The following NR2C2 variants were observed in gnomAD, a reference collection of about 807,000 sequenced individuals.
NR2C2 encodes the protein nuclear receptor subfamily 2 group C member 2.
In NR2C2, 6 loss-of-function variants were observed where a neutral mutation model predicts 62.9. The observed-to-expected ratio is 0.10, with a 90% confidence interval of 0.05 to 0.19. The LOEUF (loss-of-function observed/expected upper bound fraction) is 0.19. NR2C2 is among the 10% of genes least tolerant of loss of function. The pLI is 1.00. For missense variants in NR2C2, 479 were observed against 762.7 expected (o/e 0.63, Z 4.38); for synonymous variants, 272 against 273.8 (o/e 0.99, Z 0.07).
chr3:15,016,669 G>C (rs1026143239), intron 4 of NR2C2, among the ~76,000 whole-genome samples: 9 of 152,162 alleles, frequency 5.9e-5, no homozygotes, highest in African/African-American at 2.2e-4. Flanking sequence ...CTGTAATGAA[G>C]CAGGAGGAGG....
rs1444904556 is a variant in NR2C2 at position 15,043,272 on chromosome 3, C to G, written c.*264C>G. On this transcript the variant is annotated 3_prime_UTR_variant, in exon 14 of 14. Coordinates refer to ENST00000425241, the MANE Select transcript of NR2C2 (RefSeq NM_001291694.2). ...AACTCAATTTGTATTTAGAAATTCT[C>G]AAAGGGCAAAAAACAAAAAAAAAGG... 1.8e-5 allele frequency: 5 copies of G among 285,438 alleles called. No individual in the cohort carries two copies. The highest frequency in any genetic ancestry group is 3.2e-5 in the Non-Finnish European group (5 of 156,236). 17.7% of individuals were successfully genotyped at this position (285,438 alleles called of 1,614,324 possible). A position where few individuals can be genotyped will look rare whatever the true frequency, so the allele number is the denominator to read the frequency against.
intron 2 of NR2C2, among the ~76,000 whole-genome samples, chr3:15,012,748 G>A (rs1027053940): frequency 2.0e-5 from 3 of 152,188 alleles, no homozygotes; most frequent in Admixed American, 1.3e-4. Context: ...AGGCAGGACG[G>A]GGATTAGAAC....
At chr3:14,992,732 C>T (rs527607148) in intron 1 of NR2C2, among the ~76,000 whole-genome samples, 1 of 152,264 alleles carries the variant, frequency 6.6e-6, no homozygotes, top group East Asian at 1.9e-4. Context: ...GCGTGGTTAC[C>T]TTTACAAAGG....
In NR2C2 at chr3:15,024,199, G is replaced by A. The variant is rs529430729; in HGVS notation, c.789G>A (p.Thr263=). 18 of 1,605,678 alleles carry A rather than the reference G, an allele frequency of 1.1e-5. No homozygotes were observed. The Admixed American group carries it at 1.4e-4, about 12-fold the overall frequency. The change falls in exon 7 of 14, where the codon ACG becomes ACA. Residue 263 remains threonine, a synonymous_variant. Coordinates refer to ENST00000425241, the MANE Select transcript of NR2C2 (RefSeq NM_001291694.2). ...AGGATGGTACAGTTCTCCTGGCCAC[G>A]GATTCTAAGGTGACGTTCTCTACTC... The part of the protein sequence containing the change: ...IREDGTVLLA[T]DSKAETSQGA...
At chr3:15,027,443 T>C (rs1049797056) in intron 7 of NR2C2, among the ~76,000 whole-genome samples, 1 of 152,258 alleles carries the variant, frequency 6.6e-6, no homozygotes, top group African/African-American at 2.4e-5. Flanking sequence ...CTTGTTATTA[T>C]CCATCTTTTT....
In NR2C2 at chr3:14,947,879, CGAGGCCGCTTT is replaced by C. The variant is rs2039169504; in HGVS notation, c.-65_-55del. 6.7e-6 allele frequency: 1 copy of C among 149,986 alleles called. No homozygotes were observed. The highest frequency in any genetic ancestry group is 2.1e-4 in the South Asian group (1 of 4,854). 9.3% of individuals were successfully genotyped at this position (149,986 alleles called of 1,614,324 possible). On this transcript the variant is annotated 5_prime_UTR_variant, in exon 1 of 14. Coordinates refer to ENST00000425241, the MANE Select transcript of NR2C2 (RefSeq NM_001291694.2). Reference sequence around the variant, plus strand: ...CCCGCCGCAGACACGGGACCCGCTTCGAGGCCGCTTTGGCGCCAAATCCTGAGGTAAAATTG... The same window carrying C: ...CCCGCCGCAGACACGGGACCCGCTTCGGCGCCAAATCCTGAGGTAAAATTG...
At chr3:14,979,176 T>G (rs940974581) in intron 1 of NR2C2, among the ~76,000 whole-genome samples, 5 of 152,188 alleles carry the variant, frequency 3.3e-5, no homozygotes, top group Non-Finnish European at 7.4e-5. Context: ...TACATTTTTG[T>G]TTTTGTTCCT....
intron 1 of NR2C2, among the ~76,000 whole-genome samples, chr3:14,971,199 C>T (rs2040026118): frequency 6.6e-6 from 1 of 151,836 alleles, no homozygotes; most frequent in South Asian, 2.1e-4. Flanking sequence ...CTCACTGCAA[C>T]CTTTGCCTCC....
intron 13 of NR2C2, among the ~76,000 whole-genome samples, chr3:15,040,851 T>A (rs1452632154): frequency 6.6e-6 from 1 of 152,182 alleles, no homozygotes; most frequent in Non-Finnish European, 1.5e-5. Flanking sequence ...AGGTATACAG[T>A]CAGGTTGTCC....
intron 2 of NR2C2, among the ~76,000 whole-genome samples, 179 bp downstream of exon 2, chr3:15,004,165 T>C (rs2041102207): frequency 6.6e-6 from 1 of 152,224 alleles, no homozygotes; most frequent in African/African-American, 2.4e-5. Context: ...CAACTTACAT[T>C]TAAAGCAAAA....
chr3:15,003,129 T>A (rs1397938449), intron 1 of NR2C2, among the ~76,000 whole-genome samples: 2 of 150,520 alleles, frequency 1.3e-5, no homozygotes, highest in African/African-American at 2.4e-5. Flanking sequence ...TTTTTTTTTT[T>A]AATGTAGAGA....
chr3:15,021,969 A>G (rs1360986441), intron 5 of NR2C2, among the ~76,000 whole-genome samples: 1 of 152,236 alleles, frequency 6.6e-6, no homozygotes, highest in Non-Finnish European at 1.5e-5. Flanking sequence ...TAAATAAATC[A>G]CTGACTTGGT....
At chr3:14,998,880 T>C (rs929396470) in intron 1 of NR2C2, among the ~76,000 whole-genome samples, 1 of 152,002 alleles carries the variant, frequency 6.6e-6, no homozygotes, top group Admixed American at 6.6e-5. Context: ...CGCACGCCCA[T>C]AGTCCCAGTT....
At position 15,032,510 on chromosome 3, in the gene NR2C2, C is replaced by T; in HGVS notation, c.1232+10C>T. The T allele has an allele frequency of 1.9e-6, 3 of 1,614,196 alleles. No individual in the cohort carries two copies. Among genetic ancestry groups the T allele is most frequent in the Non-Finnish European group, 2.5e-6 (3 of 1,180,032 alleles). Reference sequence around the variant, plus strand: ...CCTTTCAGGCACTTGGGTAAGTGGCCTCTTGCTGTGCATGTATCCTCGGGC... The same window carrying T: ...CCTTTCAGGCACTTGGGTAAGTGGCTTCTTGCTGTGCATGTATCCTCGGGC... On this transcript the variant is annotated intron_variant, in intron 10 of 13. Coordinates refer to ENST00000425241, the MANE Select transcript of NR2C2 (RefSeq NM_001291694.2).
chr3:15,000,785 A>G (rs2040966972), intron 1 of NR2C2, among the ~76,000 whole-genome samples: 2 of 151,906 alleles, frequency 1.3e-5, no homozygotes, highest in Non-Finnish European at 2.9e-5. Flanking sequence ...TAACAATATT[A>G]AGTCACAAAT....
At position 15,044,328 on chromosome 3, in the gene NR2C2, G is replaced by C. The variant is rs181664225; in HGVS notation, c.*1320G>C. The C allele has an allele frequency of 6.6e-6, 1 of 152,160 alleles. No individual in the cohort carries two copies. Among genetic ancestry groups the C allele is most frequent in the Admixed American group, 6.5e-5 (1 of 15,280 alleles). The allele number at this position is 152,160 out of a possible 1,614,324, so 9.4% of individuals were successfully genotyped here. On this transcript the variant is annotated 3_prime_UTR_variant, in exon 14 of 14. Coordinates refer to ENST00000425241, the MANE Select transcript of NR2C2 (RefSeq NM_001291694.2). ...TGCACTTTGGTTCCCCCAGGTGTGT[G>C]CCAGCCGACCACCCCGGAGCATTTT...
intron 2 of NR2C2, among the ~76,000 whole-genome samples, chr3:15,010,036 C>G (rs1215916029): frequency 6.6e-6 from 1 of 152,166 alleles, no homozygotes; most frequent in African/African-American, 2.4e-5. Flanking sequence ...GGCCCTACTT[C>G]CAAGTAAGGT....
intron 13 of NR2C2, among the ~76,000 whole-genome samples, chr3:15,039,575 C>T (rs1371926070): frequency 6.6e-6 from 1 of 152,096 alleles, no homozygotes; most frequent in Non-Finnish European, 1.5e-5. Flanking sequence ...GGGGCTAACA[C>T]TGTACATGAG....
intron 9 of NR2C2, 125 bp from the exon 10 acceptor site, chr3:15,032,254 C>A: frequency 7.4e-7 from 1 of 1,355,434 alleles, no homozygotes. Context: ...CTGCATGGGA[C>A]TTCAGAATCA....
Sources: gnomAD v4.1 joint callset for allele counts (sites outside exome capture counted in the v4.1 genomes callset) on GRCh38, gnomAD v4.1.1 for gene constraint, MANE v1.5 for transcripts, NCBI Gene and HGNC (gene_info 2026-07-23, HGNC 2026-07-21) for gene names.